Variants in DOCK4 observed in about 807,000 individuals in gnomAD.
The protein encoded by DOCK4 is dedicator of cytokinesis protein 4.
A neutral mutation model predicts 268.1 loss-of-function variants in DOCK4; 97 were observed. That is an observed-to-expected ratio of 0.36 (90% confidence interval 0.31 to 0.43). The LOEUF (loss-of-function observed/expected upper bound fraction) is 0.43. Among genes scored for constraint, DOCK4 ranks in the 20% least tolerant of loss-of-function variants. The pLI is 1.00. For synonymous variants in DOCK4, 954 were observed against 887.2 expected, an observed-to-expected ratio of 1.08 and a Z score of -1.34; for missense variants, 2,145 against 2,455.7, an observed-to-expected ratio of 0.87 and a Z score of 2.67.
intron 1 of DOCK4, among the ~76,000 whole-genome samples, chr7:112,048,769 ATCTT>A (rs1395424927): frequency 6.6e-6 from 1 of 152,032 alleles, no homozygotes; most frequent in African/African-American, 2.4e-5. Flanking sequence ...CAGTAGAAAT[ATCTT>A]TCTTTTTTTT....
At chr7:111,856,944 T>C (rs780857974) in intron 23 of DOCK4, among the ~76,000 whole-genome samples, 7 of 152,224 alleles carry the variant, frequency 4.6e-5, no homozygotes, top group Non-Finnish European at 8.8e-5. Flanking sequence ...ACTCTGCTTC[T>C]AGAGAAAAAA....
At chr7:111,987,650 G>A (rs1394427319) in intron 6 of DOCK4, among the ~76,000 whole-genome samples, 1 of 152,196 alleles carries the variant, frequency 6.6e-6, no homozygotes, top group Non-Finnish European at 1.5e-5. Context: ...AGGAGGTGCT[G>A]TGTGTTTTAA....
chr7:111,909,795 C>T (rs997670746), intron 13 of DOCK4, among the ~76,000 whole-genome samples: 3 of 151,664 alleles, frequency 2.0e-5, no homozygotes, highest in Admixed American at 1.3e-4. Context: ...GATCTGATTT[C>T]TCCAAATAAT....
intron 1 of DOCK4, among the ~76,000 whole-genome samples, chr7:112,175,726 CAT>C (rs1325086158): frequency 1.1e-4 from 17 of 152,196 alleles, no homozygotes; most frequent in African/African-American, 3.6e-4. Flanking sequence ...CTTAATGAGA[CAT>C]ATGAGATTCT....
At chr7:111,747,618 T>A (rs553645979) in intron 42 of DOCK4, among the ~76,000 whole-genome samples, 175 bp from the exon 43 acceptor site, 29 of 152,188 alleles carry the variant, frequency 1.9e-4, no homozygotes, top group Admixed American at 1.6e-3. Flanking sequence ...GGATGTTCAT[T>A]AGCAAGGTTT....
chr7:112,000,473 G>T (rs1340431186), intron 3 of DOCK4, 21 bp downstream of exon 3: 2 of 1,352,618 alleles, frequency 1.5e-6, no homozygotes, highest in South Asian at 1.4e-5. Flanking sequence ...CATAATTATA[G>T]TTAGAAATAA....
At chr7:111,871,457 A>G (rs1019688912) in intron 20 of DOCK4, among the ~76,000 whole-genome samples, 1 of 152,214 alleles carries the variant, frequency 6.6e-6, no homozygotes, top group Non-Finnish European at 1.5e-5. Flanking sequence ...AGCTCCTATC[A>G]AAGAGTAGAT....
At chr7:112,095,431 A>T (rs1424910796) in intron 1 of DOCK4, among the ~76,000 whole-genome samples, 1 of 138,000 alleles carries the variant, frequency 7.2e-6, no homozygotes, top group Non-Finnish European at 1.7e-5. Context: ...TCAAAATTTT[A>T]ATCTATTAAG....
At position 111,915,853 on chromosome 7, in the gene DOCK4, C is replaced by T; in HGVS notation, c.1118G>A (p.Arg373Lys). 1.2e-6 allele frequency: 2 copies of T among 1,612,478 alleles called. No homozygotes were observed. The highest frequency in any genetic ancestry group is 1.7e-6 in the Non-Finnish European group (2 of 1,179,288). The change falls in exon 13 of 53, where the codon AGG becomes AAG. Residue 373 changes from arginine (R) to lysine (K), a missense_variant. Physicochemically the swap from Arg to Lys is conservative, Grantham distance 26 (BLOSUM62 2). Transcript: ENST00000428084. ...ATGAGAAAATACTGATGAATATTCC[C>T]TTCTGATTTGTTCAATGTCTCCGTG... Reference protein sequence around the residue: ...LLHGDIEQIRREYSSVFSHGV... With the variant: ...LLHGDIEQIRKEYSSVFSHGV...
Position 111,974,492 on chromosome 7 carries a change from A to ATGTGTGTGTGTG in DOCK4, c.701+2628_701+2639dup, listed in dbSNP as rs59409689. 2.1e-3 allele frequency among the ~76,000 whole-genome samples: 175 copies of ATGTGTGTGTGTG among 84,384 alleles called. 2 individuals carry two copies. The highest frequency in any genetic ancestry group is 5.9e-3 in the African/African-American group (134 of 22,720). The allele number at this position is 84,384 out of a possible 152,430, so 55.4% of individuals were successfully genotyped here. The stretch of plus-strand genomic sequence containing the variant: ...AGATCAGGTGGCATATTGAAGAGGG[A>ATGTGTGTGTGTG]TGTGTGTGTGTGTGTGTGTGTGTGT... On this transcript the variant is annotated intron_variant, in intron 8 of 52. Transcript: ENST00000428084.
At chr7:112,066,288 T>C (rs1806923100) in intron 1 of DOCK4, among the ~76,000 whole-genome samples, 1 of 152,064 alleles carries the variant, frequency 6.6e-6, no homozygotes, top group Non-Finnish European at 1.5e-5. Context: ...ACTCTTCTTT[T>C]ACTGTCCTTG....
At chr7:111,854,664 G>A (rs1294339923) in intron 23 of DOCK4, among the ~76,000 whole-genome samples, 1 of 152,168 alleles carries the variant, frequency 6.6e-6, no homozygotes, top group Non-Finnish European at 1.5e-5. Context: ...TTACAGGCGT[G>A]AGCGACCGCA....
Position 111,896,498 on chromosome 7 carries a change from T to G in DOCK4, c.1481-780A>C, listed in dbSNP as rs560954647. On this transcript the variant is annotated intron_variant, in intron 15 of 52. Transcript: ENST00000428084. Reference sequence around the variant, plus strand: ...TTCTTTCCACCAAGGTTTTTTTTTTTTTTTTTTTCCTCCAAAAATGGAGAA... The same window carrying G: ...TTCTTTCCACCAAGGTTTTTTTTTTGTTTTTTTTCCTCCAAAAATGGAGAA... Among the ~76,000 whole-genome samples, 186 of 151,486 alleles carry G rather than the reference T, an allele frequency of 1.2e-3. 3 individuals carry two copies. Among genetic ancestry groups the G allele is most frequent in the African/African-American group, 4.2e-3 (173 of 40,958 alleles).
chr7:112,170,729 A>G (rs1015688050), intron 1 of DOCK4, among the ~76,000 whole-genome samples: 3 of 152,218 alleles, frequency 2.0e-5, no homozygotes, highest in Non-Finnish European at 2.9e-5. Flanking sequence ...AAAACTTGAC[A>G]TAGTACTTAA....
intron 1 of DOCK4, among the ~76,000 whole-genome samples, chr7:112,116,617 C>T (rs1417242646): frequency 6.6e-6 from 1 of 152,150 alleles, no homozygotes; most frequent in Non-Finnish European, 1.5e-5. Context: ...TGAGCTCTGG[C>T]CACAATTCTG....
intron 1 of DOCK4, among the ~76,000 whole-genome samples, chr7:112,181,584 G>A (rs1287284212): frequency 7.4e-6 from 1 of 134,644 alleles, no homozygotes; most frequent in Non-Finnish European, 1.5e-5. Flanking sequence ...AGACTGCAGT[G>A]AGCCAAAATC....
chr7:112,060,649 G>A (rs1806309211), intron 1 of DOCK4, among the ~76,000 whole-genome samples: 1 of 152,066 alleles, frequency 6.6e-6, no homozygotes, highest in South Asian at 2.1e-4. Flanking sequence ...TAAAAAGGAA[G>A]GAAATTCTGA....
At chr7:111,949,433 C>T (rs1795879267) in intron 8 of DOCK4, among the ~76,000 whole-genome samples, 1 of 152,074 alleles carries the variant, frequency 6.6e-6, no homozygotes, top group South Asian at 2.1e-4. Context: ...ATTTTAATTT[C>T]ACTAGTTTAC....
At chr7:111,933,380 C>T (rs1203369890) in intron 12 of DOCK4, among the ~76,000 whole-genome samples, 1 of 148,282 alleles carries the variant, frequency 6.7e-6, no homozygotes, top group Non-Finnish European at 1.5e-5. Context: ...CTGCAACCTC[C>T]GACTCCCTGG....
Sources: gnomAD v4.1 joint callset for allele counts (sites outside exome capture counted in the v4.1 genomes callset) on GRCh38, gnomAD v4.1.1 for gene constraint, MANE v1.5 for transcripts, NCBI Gene and HGNC (gene_info 2026-07-23, HGNC 2026-07-21) for gene names.